The following GNA12 variants were observed in gnomAD, a reference collection of about 807,000 sequenced individuals.
The protein encoded by GNA12 is G protein subunit alpha 12.
GNA12 carries 9 observed loss-of-function variants against 26.0 expected under a neutral mutation model. The observed-to-expected ratio is 0.35, with a 90% CI of 0.21 to 0.60. The LOEUF is 0.60. Among genes scored for constraint, GNA12 ranks in the 20% least tolerant of loss-of-function variants. The probability of loss-of-function intolerance (pLI) is 0.78; values close to 1 mark genes in which losing one functional copy is unlikely to be tolerated. For synonymous variants in GNA12, 264 were observed against 219.6 expected (o/e 1.20, Z -1.79); for missense variants, 405 against 525.8 (o/e 0.77, Z 2.25).
chr7:2,784,613 C>T (rs1215746057), intron 2 of GNA12, among the ~76,000 whole-genome samples: 1 of 152,200 alleles, frequency 6.6e-6, no homozygotes, highest in Non-Finnish European at 1.5e-5. Flanking sequence ...AAATCACTCC[C>T]AACCTAGCTG....
At chr7:2,835,681 C>T (rs945723685) in intron 1 of GNA12, 3 of 976,846 alleles carry the variant, frequency 3.1e-6, no homozygotes, top group African/African-American at 3.3e-5. Flanking sequence ...CGAAGAGCAA[C>T]AAAAGATAAA....
chr7:2,771,955 A>C (rs987144106), intron 2 of GNA12, among the ~76,000 whole-genome samples: 1 of 152,160 alleles, frequency 6.6e-6, no homozygotes, highest in East Asian at 1.9e-4. Flanking sequence ...GTCGCCTTCC[A>C]AAGGGCAGCC....
intron 2 of GNA12, among the ~76,000 whole-genome samples, chr7:2,747,612 A>C (rs1284782048): frequency 1.3e-5 from 2 of 152,232 alleles, no homozygotes; most frequent in African/African-American, 4.8e-5. Flanking sequence ...AACTGGCACA[A>C]GACAGGGATG....
At chr7:2,748,572 G>C (rs1790877600) in intron 2 of GNA12, among the ~76,000 whole-genome samples, 1 of 151,994 alleles carries the variant, frequency 6.6e-6, no homozygotes, top group Non-Finnish European at 1.5e-5. Flanking sequence ...AGAAAACCTA[G>C]GCAATACCAT....
Position 2,843,896 on chromosome 7 carries a change from G to A in GNA12, c.266C>T (p.Ala89Val), listed in dbSNP as rs1177705019. The A allele has an allele frequency of 2.5e-6, 4 of 1,573,244 alleles. No individual in the cohort carries two copies. The highest frequency in any genetic ancestry group is 2.4e-5 in the East Asian group (1 of 41,340). ...GATGGTGTCGCGGAACTCCAGCAGC[G>A]CCTTCTGGTCGAACTCGCGGCCGTG... ...IIHGREFDQK[A>V]LLEFRDTIFD... The change falls in exon 1 of 4, where the codon GCG (alanine) becomes GTG (valine). Residue 89 changes from alanine (A) to valine (V), a missense_variant. Ala to Val is a moderately conservative substitution (Grantham distance 64). Transcript: ENST00000275364.
chr7:2,738,094 A>G (rs1021982122), intron 2 of GNA12, among the ~76,000 whole-genome samples: 15 of 152,144 alleles, frequency 9.9e-5, no homozygotes, highest in Admixed American at 7.2e-4. Flanking sequence ...TTGGGTACCT[A>G]TGAATTGTTT....
intron 1 of GNA12, among the ~76,000 whole-genome samples, chr7:2,808,470 G>A (rs1227357659): frequency 6.6e-6 from 1 of 152,248 alleles, no homozygotes; most frequent in Non-Finnish European, 1.5e-5. Flanking sequence ...CCCAGGTGCT[G>A]TGGGTTACCC....
chr7:2,787,667 G>C (rs1792396922), intron 2 of GNA12, among the ~76,000 whole-genome samples: 1 of 152,256 alleles, frequency 6.6e-6, no homozygotes, highest in East Asian at 1.9e-4. Context: ...TTCCGTTGTG[G>C]GTCCACGCTG....
At chr7:2,814,302 TGA>T in intron 1 of GNA12, 1 of 1,471,620 alleles carries the variant, frequency 6.8e-7, no homozygotes, top group Non-Finnish European at 9.5e-7. Context: ...TTGAACGGAG[TGA>T]GACTCACCCT....
intron 2 of GNA12, among the ~76,000 whole-genome samples, chr7:2,793,211 C>T (rs73049380): frequency 0.11 from 16,919 of 152,178 alleles, 1,052 homozygotes; most frequent in Middle Eastern, 0.19. Flanking sequence ...CTATCATGGA[C>T]TGCAAGAGAC....
In GNA12 at chr7:2,824,299, C is replaced by A. The variant is rs2114966013; in HGVS notation, c.309+19554G>T. 5.3e-5 allele frequency among the ~76,000 whole-genome samples: 8 copies of A among 152,328 alleles called. 2 individuals carry two copies. The South Asian group carries it at 1.7e-3, about 32-fold the overall frequency. ...CCTCAGGGACAAAGAGCCCCTCACA[C>A]ACAGAGTTAAGGCCCGCGTCTTCCC... On this transcript the variant is annotated intron_variant, in intron 1 of 3. Transcript: ENST00000275364.
chr7:2,835,567 A>C, intron 1 of GNA12: 23 of 502,042 alleles, frequency 4.6e-5, no homozygotes, highest in East Asian at 1.4e-4. Context: ...ACAGGGAGCA[A>C]GAGCGCGCTT....
chr7:2,826,783 G>A (rs938569928), intron 1 of GNA12, among the ~76,000 whole-genome samples: 5 of 152,184 alleles, frequency 3.3e-5, no homozygotes, highest in African/African-American at 1.2e-4. Flanking sequence ...GGGTTGAGGG[G>A]AGACAGGGAA....
At chr7:2,787,419 C>T (rs1792389910) in intron 2 of GNA12, among the ~76,000 whole-genome samples, 1 of 152,224 alleles carries the variant, frequency 6.6e-6, no homozygotes. Flanking sequence ...GAGCTGTCGC[C>T]TGTCACCCAC....
At chr7:2,799,872 C>A (rs1035209866) in intron 1 of GNA12, among the ~76,000 whole-genome samples, 1 of 152,148 alleles carries the variant, frequency 6.6e-6, no homozygotes, top group African/African-American at 2.4e-5. Flanking sequence ...AGACAACCAG[C>A]GGCAACACCA....
chr7:2,829,888 G>A (rs1182189), intron 1 of GNA12, among the ~76,000 whole-genome samples: 37,329 of 152,064 alleles, frequency 0.25, 5,113 homozygotes, highest in Non-Finnish European at 0.29. Context: ...ACAGACAGAC[G>A]CTGCTTTCAA....
At chr7:2,764,850 C>T (rs113922050) in intron 2 of GNA12, 1 of 152,210 alleles carries the variant, frequency 6.6e-6, no homozygotes, top group African/African-American at 2.4e-5. Flanking sequence ...TGCGCCGCCT[C>T]GTCCTCTTAG....
At chr7:2,814,647 T>C (rs1158810797) in intron 1 of GNA12, among the ~76,000 whole-genome samples, 1 of 151,640 alleles carries the variant, frequency 6.6e-6, no homozygotes, top group Non-Finnish European at 1.5e-5. Flanking sequence ...TTTTTTTTTT[T>C]TTTTCGTGGC....
chr7:2,736,206 T>C (rs1790166237), intron 2 of GNA12, among the ~76,000 whole-genome samples: 1 of 152,086 alleles, frequency 6.6e-6, no homozygotes, highest in African/African-American at 2.4e-5. Context: ...AACCGCTTGG[T>C]GGGTTTATAA....
Sources: allele counts gnomAD v4.1 joint callset (sites outside exome capture counted in the v4.1 genomes callset), GRCh38; gene constraint gnomAD v4.1.1; transcripts MANE v1.5; gene names NCBI Gene and HGNC (gene_info 2026-07-23, HGNC 2026-07-21).